PBX3: variants seen among roughly 807,000 people sequenced by gnomAD.
The protein encoded by PBX3 is pre-B-cell leukemia transcription factor 3.
PBX3 carries 14 observed loss-of-function variants against 48.5 expected under a neutral mutation model. The observed-to-expected ratio is 0.29, with a 90% CI of 0.19 to 0.45. The LOEUF is 0.45. Ranked by LOEUF, PBX3 falls within the 20% of genes least tolerant of loss-of-function variation. The probability of loss-of-function intolerance (pLI) is 1.00; values close to 1 mark genes in which losing one functional copy is unlikely to be tolerated. For synonymous variants in PBX3, 210 were observed against 200.3 expected (o/e 1.05, Z -0.41); for missense variants, 386 against 546.7 (o/e 0.71, Z 2.93).
At chr9:125,920,422 G>C (rs955378738) in intron 3 of PBX3, among the ~76,000 whole-genome samples, 1 of 152,156 alleles carries the variant, frequency 6.6e-6, no homozygotes, top group African/African-American at 2.4e-5. Flanking sequence ...TATTGAGCTG[G>C]TCTTTCTTGG....
At chr9:125,949,051 G>A (rs113295350) in intron 5 of PBX3, among the ~76,000 whole-genome samples, 5,457 of 152,126 alleles carry the variant, frequency 0.036, 337 homozygotes, top group African/African-American at 0.12. Flanking sequence ...ATGAGCCACC[G>A]CACCCATCCA....
At chr9:125,876,802 C>CTT (rs59596389) in intron 2 of PBX3, among the ~76,000 whole-genome samples, 16 of 128,948 alleles carry the variant, frequency 1.2e-4, no homozygotes, top group East Asian at 1.1e-3. Flanking sequence ...TTCTTTCTTT[C>CTT]TTTTTTTTTT....
Position 125,876,191 on chromosome 9 carries a change from G to A in PBX3, c.275-39495G>A, listed in dbSNP as rs1042985004. ...CTCTAAATCATAAAACTTATTTTTT[G>A]TATCACTCATTTGGCTTTTACTTAT... On this transcript the variant is annotated intron_variant, in intron 2 of 8. Coordinates refer to ENST00000373489, the MANE Select transcript of PBX3 (RefSeq NM_006195.6). Among the ~76,000 whole-genome samples the A allele has an allele frequency of 2.6e-5, 4 of 151,920 alleles. No individual in the cohort carries two copies. The East Asian group carries it at 5.8e-4, about 22-fold the overall frequency.
intron 8 of PBX3, among the ~76,000 whole-genome samples, chr9:125,965,323 T>C (rs1372074982): frequency 1.3e-5 from 2 of 152,222 alleles, no homozygotes; most frequent in African/African-American, 4.8e-5. Flanking sequence ...ATTTTCATTC[T>C]GGAAGATCCT....
Position 125,747,673 on chromosome 9 carries a change from G to A in PBX3, c.200+20G>A, listed in dbSNP as rs1836229826. 1.3e-6 allele frequency: 2 copies of A among 1,563,440 alleles called. No individual in the cohort carries two copies. The highest frequency in any genetic ancestry group is 1.4e-5 in the African/African-American group (1 of 70,952). On this transcript the variant is annotated intron_variant, in intron 1 of 8. Coordinates refer to ENST00000373489, the MANE Select transcript of PBX3 (RefSeq NM_006195.6). ...AGCAAAGTTGGTGTCGTCTCATTAA[G>A]CATCTTTTGTGTGTGTGCGGGAGCC...
intron 2 of PBX3, among the ~76,000 whole-genome samples, chr9:125,789,366 G>T (rs999850361): frequency 3.3e-5 from 5 of 152,188 alleles, no homozygotes; most frequent in Admixed American, 2.6e-4. Context: ...ATTTCAGTCA[G>T]GTGACAGTGG....
intron 2 of PBX3, among the ~76,000 whole-genome samples, chr9:125,789,458 A>G (rs1837541936): frequency 6.6e-6 from 1 of 152,164 alleles, no homozygotes; most frequent in Non-Finnish European, 1.5e-5. Context: ...CTCAGTCCTC[A>G]CTGACTGATG....
intron 2 of PBX3, among the ~76,000 whole-genome samples, chr9:125,807,191 G>A (rs991918096): frequency 6.6e-6 from 1 of 152,140 alleles, no homozygotes; most frequent in South Asian, 2.1e-4. Context: ...GGGTGTGGTG[G>A]CATGTGCCTG....
chr9:125,942,943 A>G (rs1185603724), intron 5 of PBX3, among the ~76,000 whole-genome samples: 1 of 152,230 alleles, frequency 6.6e-6, no homozygotes, highest in Non-Finnish European at 1.5e-5. Flanking sequence ...TCTACAAACA[A>G]TCAGTACCAT....
At chr9:125,773,993 A>G (rs527596728) in intron 2 of PBX3, among the ~76,000 whole-genome samples, 1 of 152,294 alleles carries the variant, frequency 6.6e-6, no homozygotes, top group East Asian at 1.9e-4. Flanking sequence ...CCCCATACCT[A>G]TTAGTCTGTT....
At chr9:125,863,631 T>G (rs1224919320) in intron 2 of PBX3, among the ~76,000 whole-genome samples, 1 of 152,178 alleles carries the variant, frequency 6.6e-6, no homozygotes, top group Non-Finnish European at 1.5e-5. Context: ...GAGTTTAGAT[T>G]CTATGAAATG....
rs576763629 is a variant in PBX3, at chr9:125,856,420, C to G, written c.275-59266C>G. Among the ~76,000 whole-genome samples the G allele has an allele frequency of 7.2e-5, 11 of 152,052 alleles. No homozygotes were observed. The East Asian group carries it at 1.9e-3, about 27-fold the overall frequency. On this transcript the variant is annotated intron_variant, in intron 2 of 8. Transcript: ENST00000373489. ...GGCATAAACACAAGTCCTCAAGCAC[C>G]AGCCCAATTAATAATTTGCATAATT...
chr9:125,885,817 TGTTA>T (rs969349784), intron 2 of PBX3, among the ~76,000 whole-genome samples: 5 of 151,982 alleles, frequency 3.3e-5, no homozygotes, highest in South Asian at 2.1e-4. Flanking sequence ...TGTGTGTGTG[TGTTA>T]GTTTTACAGC....
chr9:125,865,288 A>T (rs1839953134), intron 2 of PBX3: 2 of 169,264 alleles, frequency 1.2e-5, no homozygotes, highest in African/African-American at 4.8e-5. Flanking sequence ...CTGGAGAATA[A>T]GTCAGGAGCA....
chr9:125,886,754 C>T (rs917791357), intron 2 of PBX3, among the ~76,000 whole-genome samples: 1 of 152,046 alleles, frequency 6.6e-6, no homozygotes, highest in Non-Finnish European at 1.5e-5. Flanking sequence ...TTCATTTTTA[C>T]CACTGATAGA....
chr9:125,897,617 T>TA (rs879716055), intron 2 of PBX3, among the ~76,000 whole-genome samples: 57 of 151,882 alleles, frequency 3.8e-4, no homozygotes, highest in Admixed American at 1.2e-3. Flanking sequence ...TTCACATGTC[T>TA]AAAAAACCAC....
At position 125,767,458 on chromosome 9, in the gene PBX3, T is replaced by A. The variant is rs940268968; in HGVS notation, c.274+18835T>A. Among the ~76,000 whole-genome samples the A allele has an allele frequency of 5.3e-5, 8 of 152,360 alleles. No homozygotes were observed. In the East Asian group the frequency reaches 1.5e-3, roughly 29 times the overall value. On this transcript the variant is annotated intron_variant, in intron 2 of 8. Coordinates refer to ENST00000373489, the MANE Select transcript of PBX3 (RefSeq NM_006195.6). Reference sequence around the variant, plus strand: ...CCTTTCTTCCATGTAATAGTTAATATCTGTTCATACCACCATTCACAGGTA... The same window carrying A: ...CCTTTCTTCCATGTAATAGTTAATAACTGTTCATACCACCATTCACAGGTA...
intron 2 of PBX3, among the ~76,000 whole-genome samples, chr9:125,863,117 T>G (rs987603090): frequency 2.6e-5 from 4 of 151,996 alleles, no homozygotes; most frequent in Non-Finnish European, 4.4e-5. Context: ...AGGCTGGTCT[T>G]GAACTCCTGG....
At chr9:125,792,184 T>C (rs576515934) in intron 2 of PBX3, among the ~76,000 whole-genome samples, 3 of 152,310 alleles carry the variant, frequency 2.0e-5, no homozygotes, top group Admixed American at 2.0e-4. Flanking sequence ...AGGGAGCAAC[T>C]AACTGCCTAA....
Sources: gnomAD v4.1 joint callset for allele counts (sites outside exome capture counted in the v4.1 genomes callset) on GRCh38, gnomAD v4.1.1 for gene constraint, MANE v1.5 for transcripts, NCBI Gene and HGNC (gene_info 2026-07-23, HGNC 2026-07-21) for gene names.